Variants in TMEM235 observed in about 807,000 individuals in gnomAD.
TMEM235 encodes claudin-27.
Under a neutral mutation model 22.9 loss-of-function variants are expected in TMEM235, and 23 were observed. The observed-to-expected ratio is 1.00, with a 90% CI of 0.72 to 1.42. The LOEUF (loss-of-function observed/expected upper bound fraction) is 1.42, where lower values mean the gene tolerates loss of function less well. TMEM235 is among the 40% of genes most tolerant of loss of function. The probability of loss-of-function intolerance (pLI) is 0.00; values close to 1 mark genes in which losing one functional copy is unlikely to be tolerated. For missense variants in TMEM235, 308 were observed against 299.5 expected, an observed-to-expected ratio of 1.03 and a Z score of -0.21; for synonymous variants, 137 against 140.5, an observed-to-expected ratio of 0.98 and a Z score of 0.17.
Position 78,239,932 on chromosome 17 carries a change from C to T in TMEM235, c.*140C>T, listed in dbSNP as rs868634986. The stretch of plus-strand genomic sequence containing the variant: ...TGGAGAAGAGGCTGATGAGAGGGCC[C>T]GAGAGCCCCTCCGATTTGCAGGGGT... On this transcript the variant is annotated 3_prime_UTR_variant, in exon 6 of 6. Transcript: ENST00000421688. 12 of 1,550,300 alleles carry T rather than the reference C, an allele frequency of 7.7e-6. No homozygotes were observed. The Middle Eastern group carries it at 6.7e-4, about 87-fold the overall frequency.
intron 2 of TMEM235, 129 bp downstream of exon 1, chr17:78,232,342 C>G: frequency 1.1e-6 from 1 of 884,096 alleles, no homozygotes; most frequent in Non-Finnish European, 1.6e-6. Context: ...CCCGCTCTGC[C>G]CCAGGGTGTC....
Position 78,234,578 on chromosome 17 carries a change from C to T in TMEM235, c.272-15C>T, listed in dbSNP as rs1040220661. Reference sequence around the variant, plus strand: ...ACCTGGACCAGAATTCTCACCTGAGCCCCCTTTCCTGCAGTGCTGCACCGT... The same window carrying T: ...ACCTGGACCAGAATTCTCACCTGAGTCCCCTTTCCTGCAGTGCTGCACCGT... On this transcript the variant is annotated splice_polypyrimidine_tract_variant and intron_variant, in intron 3 of 5. Coordinates refer to ENST00000421688, the Ensembl canonical transcript of TMEM235. 2 of 1,535,736 alleles carry T rather than the reference C, an allele frequency of 1.3e-6. No individual in the cohort carries two copies. Among genetic ancestry groups the T allele is most frequent in the Non-Finnish European group, 1.7e-6 (2 of 1,146,522 alleles).
Position 78,232,231 on chromosome 17 carries a change from C to T in TMEM235, c.190+18C>T. The T allele has an allele frequency of 7.0e-7, 1 of 1,436,956 alleles. No homozygotes were observed. The highest frequency in any genetic ancestry group is 3.0e-5 in the East Asian group (1 of 33,294). The allele number at this position is 1,436,956 out of a possible 1,614,324, so 89.0% of individuals were successfully genotyped here. A position where few individuals can be genotyped will look rare whatever the true frequency, so the allele number is the denominator to read the frequency against. ...CTGCGAAGGTAACCGGCCACCGCGC[C>T]GGCCCTCCTCCCTCCGCGACCTCGT... On this transcript the variant is annotated intron_variant, in intron 2 of 5. Transcript: ENST00000421688.
rs1282145993 is a variant in TMEM235 at position 78,237,820 on chromosome 17, G to A, written c.410-1204G>A. 6.6e-6 allele frequency among the ~76,000 whole-genome samples: 1 copy of A among 152,084 alleles called. No individual in the cohort carries two copies. The highest frequency in any genetic ancestry group is 2.4e-5 in the African/African-American group (1 of 41,416). ...TGCCCAGCCGGGCAGGCATCCGTGT[G>A]TCCTCCCTCCCTCAGCCTCCCCATG... On this transcript the variant is annotated intron_variant, in intron 4 of 5. Coordinates refer to ENST00000421688, the Ensembl canonical transcript of TMEM235. The surrounding 1 kb of genome is among the most constrained non-coding windows in gnomAD (Gnocchi z 4.7).
chr17:78,236,117 T>C (rs551203985), intron 4 of TMEM235, among the ~76,000 whole-genome samples: 2 of 152,328 alleles, frequency 1.3e-5, no homozygotes, highest in African/African-American at 2.4e-5. Context: ...GCAGGGCTTC[T>C]GGTTGTGGGT....
In TMEM235 at chr17:78,237,499, A is replaced by G. The variant is rs2076656900; in HGVS notation, c.410-1525A>G. 6.6e-6 allele frequency among the ~76,000 whole-genome samples: 1 copy of G among 151,934 alleles called. No homozygotes were observed. Among genetic ancestry groups the G allele is most frequent in the Non-Finnish European group, 1.5e-5 (1 of 67,960 alleles). On this transcript the variant is annotated intron_variant, in intron 4 of 5. Coordinates refer to ENST00000421688, the Ensembl canonical transcript of TMEM235. The surrounding 1 kb of genome is among the most constrained non-coding windows in gnomAD (Gnocchi z 4.7). ...GAGGTACTTCAGGTCCCAGTTTGGGAGCTTACTCTTCACCTTCATTTTGGG... is the reference window on the plus strand; with the variant it reads ...GAGGTACTTCAGGTCCCAGTTTGGGGGCTTACTCTTCACCTTCATTTTGGG...
chr17:78,233,718 A>G (rs2076610179), intron 2 of TMEM235, among the ~76,000 whole-genome samples, 177 bp from the exon 2 acceptor site: 2 of 151,844 alleles, frequency 1.3e-5, no homozygotes, highest in Non-Finnish European at 2.9e-5. Context: ...AAGAAAAAGA[A>G]AATAAACAAG....
At chr17:78,239,359 C>T (rs1693973319) in intron 5 of TMEM235, 86 bp downstream of exon 4, 1 of 1,421,382 alleles carries the variant, frequency 7.0e-7, no homozygotes, top group Non-Finnish European at 9.3e-7. Flanking sequence ...AATCCCTTCT[C>T]TGGGCCTCGC....
At position 78,234,373 on chromosome 17, in the gene TMEM235, G is replaced by T. The variant is rs1187521577; in HGVS notation, c.272-220G>T. 9 of 749,888 alleles carry T rather than the reference G, an allele frequency of 1.2e-5. No individual in the cohort carries two copies. The East Asian group carries it at 2.4e-4, about 20-fold the overall frequency. The allele number at this position is 749,888 out of a possible 1,614,324, so 46.5% of individuals were successfully genotyped here. A position where few individuals can be genotyped will look rare whatever the true frequency, so the allele number is the denominator to read the frequency against. On this transcript the variant is annotated intron_variant, in intron 3 of 5. Coordinates refer to ENST00000421688, the Ensembl canonical transcript of TMEM235. ...GGTTGGGGGACATGTGAGGCCTGGG[G>T]ATGGGGGCTGGGAGTGTTCTGGGGA...
At chr17:78,232,092 C>T in exon 2 of TMEM235, 14 of 1,470,298 alleles carry the variant, frequency 9.5e-6, no homozygotes, top group Non-Finnish European at 1.3e-5. Flanking sequence ...CGCTCCTGGC[C>T]GCCGCGGTCG....
In TMEM235 at chr17:78,237,127, G is replaced by A. The variant is rs1488722525; in HGVS notation, c.410-1897G>A. 2.6e-5 allele frequency among the ~76,000 whole-genome samples: 4 copies of A among 152,230 alleles called. No homozygotes were observed. The highest frequency in any genetic ancestry group is 1.3e-4 in the Admixed American group (2 of 15,276). On this transcript the variant is annotated intron_variant, in intron 4 of 5. Coordinates refer to ENST00000421688, the Ensembl canonical transcript of TMEM235. This position sits in a 1 kb window ranked among gnomAD's most constrained non-coding sequence, Gnocchi z 4.7. The stretch of plus-strand genomic sequence containing the variant: ...GGTGGATGGGTGGGGGTTCCACTGC[G>A]ACTCCAGCCTCCCCAGGCAGAGGGG...
intron 4 of TMEM235, among the ~76,000 whole-genome samples, chr17:78,236,278 G>T (rs1011693984): frequency 6.6e-6 from 1 of 151,856 alleles, no homozygotes; most frequent in East Asian, 1.9e-4. Context: ...TCTCCTTCCT[G>T]TACTGTCCTG....
chr17:78,240,208 GGGTGGGGGTGTCATGCCAT>G (rs1368286208), exon 6 of TMEM235: 8 of 552,532 alleles, frequency 1.4e-5, no homozygotes, highest in Non-Finnish European at 2.2e-5. Flanking sequence ...CAGAAGGGTG[GGGTGGGGGTGTCATGCCAT>G]GGTGGAGGAG....
chr17:78,240,171 A>ACT, exon 6 of TMEM235: 2 of 874,936 alleles, frequency 2.3e-6, no homozygotes, highest in Non-Finnish European at 3.1e-6. Flanking sequence ...CCTGGTGGGC[A>ACT]CACTGAGCTG....
intron 3 of TMEM235, 39 bp from the exon 3 acceptor site, chr17:78,234,554 C>T (rs147694974): frequency 1.1e-5 from 17 of 1,534,338 alleles, no homozygotes; most frequent in Non-Finnish European, 1.5e-5. Flanking sequence ...GAAGGGCCCA[C>T]CTGGACCAGA....
chr17:78,239,353 C>T, intron 5 of TMEM235, 80 bp downstream of exon 4: 1 of 1,450,066 alleles, frequency 6.9e-7, no homozygotes. Flanking sequence ...TCTGGGAATC[C>T]CTTCTCTGGG....
chr17:78,231,600 C>G, exon 2 of TMEM235: 1 of 1,303,364 alleles, frequency 7.7e-7, no homozygotes, highest in Non-Finnish European at 1.0e-6. Flanking sequence ...CTCCTGGGGT[C>G]GGTCTCTGGC....
At position 78,237,231 on chromosome 17, in the gene TMEM235, C is replaced by G. The variant is rs140465884; in HGVS notation, c.410-1793C>G. On this transcript the variant is annotated intron_variant, in intron 4 of 5. Coordinates refer to ENST00000421688, the Ensembl canonical transcript of TMEM235. The surrounding 1 kb of genome is among the most constrained non-coding windows in gnomAD (Gnocchi z 4.7). ...GGATGTCACACCAAAGGCACCTGCC[C>G]AGGGTCAGCTCGGCCCTCACCCCTC... 6.6e-6 allele frequency among the ~76,000 whole-genome samples: 1 copy of G among 152,250 alleles called. No homozygotes were observed. Among genetic ancestry groups the G allele is most frequent in the Non-Finnish European group, 1.5e-5 (1 of 68,000 alleles).
chr17:78,234,604 G>A, exon 4 of TMEM235: 1 of 1,536,208 alleles, frequency 6.5e-7, no homozygotes, highest in Non-Finnish European at 8.7e-7. Flanking sequence ...GCTGCACCGT[G>A]CAGTCATTGT....
Sources: gnomAD v4.1 joint callset for allele counts (sites outside exome capture counted in the v4.1 genomes callset) on GRCh38, gnomAD v4.1.1 for gene constraint, Gnocchi (gnomAD v3.1) non-coding constraint, MANE v1.5 for transcripts, NCBI Gene and HGNC (gene_info 2026-07-23, HGNC 2026-07-21) for gene names.